The following ZMAT4 variants were observed in gnomAD, a reference collection of about 807,000 sequenced individuals.
ZMAT4 encodes the protein zinc finger matrin-type 4.
In ZMAT4, 17 loss-of-function variants were observed where a neutral mutation model predicts 28.7. The observed-to-expected ratio is 0.59, with a 90% CI of 0.41 to 0.89. The LOEUF is 0.89. Ranked by LOEUF, ZMAT4 falls within the 40% of genes least tolerant of loss-of-function variation. The pLI is 0.00. For missense variants in ZMAT4, 240 were observed against 283.8 expected (o/e 0.85, Z 1.11); for synonymous variants, 117 against 109.2 (o/e 1.07, Z -0.44).
chr8:40,779,949 G>A (rs1813763044), intron 2 of ZMAT4, among the ~76,000 whole-genome samples: 1 of 152,080 alleles, frequency 6.6e-6, no homozygotes, highest in African/African-American at 2.4e-5. Flanking sequence ...CTTTTGGCAG[G>A]GGCACTGCTC....
intron 4 of ZMAT4, among the ~76,000 whole-genome samples, chr8:40,681,915 G>C (rs577341857): frequency 6.6e-6 from 1 of 152,018 alleles, no homozygotes; most frequent in South Asian, 2.1e-4. Context: ...AAAGTATTTA[G>C]AGACCTGGGG....
At chr8:40,697,445 C>A in intron 3 of ZMAT4, 44 bp from the exon 4 acceptor site, 2 of 1,446,846 alleles carry the variant, frequency 1.4e-6, no homozygotes, top group Non-Finnish European at 1.8e-6. Context: ...GAAACCCATT[C>A]CATTCTTTTA....
chr8:40,846,200 T>G (rs1279276818), intron 1 of ZMAT4, among the ~76,000 whole-genome samples: 1 of 152,116 alleles, frequency 6.6e-6, no homozygotes, highest in Non-Finnish European at 1.5e-5. Context: ...TAAATAAATA[T>G]ACTTGGCGGT....
At chr8:40,876,029 T>C (rs1291708438) in intron 1 of ZMAT4, among the ~76,000 whole-genome samples, 1 of 152,196 alleles carries the variant, frequency 6.6e-6, no homozygotes, top group Non-Finnish European at 1.5e-5. Context: ...GGCTTAGCTA[T>C]AGTAAAGGGA....
At chr8:40,543,931 A>G (rs542694323) in intron 6 of ZMAT4, among the ~76,000 whole-genome samples, 1 of 152,296 alleles carries the variant, frequency 6.6e-6, no homozygotes, top group East Asian at 1.9e-4. Flanking sequence ...AATTTAATAT[A>G]TTGAAGCTAC....
chr8:40,543,457 A>G (rs1036372248), intron 6 of ZMAT4, among the ~76,000 whole-genome samples: 8 of 152,188 alleles, frequency 5.3e-5, no homozygotes, highest in African/African-American at 1.9e-4. Flanking sequence ...ATCTTAGTCA[A>G]AATCCACCCT....
chr8:40,541,756 G>A (rs1240235262), intron 6 of ZMAT4, among the ~76,000 whole-genome samples: 2 of 152,134 alleles, frequency 1.3e-5, no homozygotes, highest in East Asian at 1.9e-4. Context: ...AGAGAGAAAC[G>A]AGCCACTGCT....
chr8:40,784,607 C>T (rs985622373), intron 2 of ZMAT4, among the ~76,000 whole-genome samples: 13 of 152,142 alleles, frequency 8.5e-5, no homozygotes, highest in Admixed American at 4.6e-4. Flanking sequence ...AGAGCTAAAA[C>T]GTATTGTTTG....
chr8:40,825,293 A>C (rs1815990746), intron 2 of ZMAT4, among the ~76,000 whole-genome samples: 1 of 152,142 alleles, frequency 6.6e-6, no homozygotes, highest in Non-Finnish European at 1.5e-5. Context: ...TGACAGATTT[A>C]ACAAGTAGAG....
intron 3 of ZMAT4, among the ~76,000 whole-genome samples, chr8:40,746,298 C>CCTT (rs1200848960): frequency 1.6e-3 from 34 of 21,542 alleles, no homozygotes; most frequent in Middle Eastern, 0.033. Context: ...TTCTTTCTTT[C>CCTT]TCCCTTCCTT....
chr8:40,773,174 T>C (rs1208420031), intron 2 of ZMAT4, among the ~76,000 whole-genome samples: 24 of 152,172 alleles, frequency 1.6e-4, no homozygotes, highest in Admixed American at 1.4e-3. Context: ...GGAAGAACAT[T>C]GGGCACAGAA....
chr8:40,715,267 G>A (rs1439956645), intron 3 of ZMAT4, among the ~76,000 whole-genome samples: 3 of 152,002 alleles, frequency 2.0e-5, no homozygotes, highest in Non-Finnish European at 2.9e-5. Flanking sequence ...AGTAAGAGGC[G>A]ATGAGCTCAG....
At chr8:40,869,693 G>C (rs1817786699) in intron 1 of ZMAT4, among the ~76,000 whole-genome samples, 1 of 152,202 alleles carries the variant, frequency 6.6e-6, no homozygotes, top group South Asian at 2.1e-4. Context: ...AGTGAATCAT[G>C]TGCATACAAT....
intron 6 of ZMAT4, among the ~76,000 whole-genome samples, chr8:40,569,696 C>T (rs1325424944): frequency 6.6e-6 from 1 of 152,152 alleles, no homozygotes. Flanking sequence ...ATCCCTTCTG[C>T]CCCAAGTCAT....
At chr8:40,621,428 T>C (rs968554582) in intron 5 of ZMAT4, among the ~76,000 whole-genome samples, 1 of 152,178 alleles carries the variant, frequency 6.6e-6, no homozygotes, top group Non-Finnish European at 1.5e-5. Flanking sequence ...CTGGTGCTAA[T>C]GAGCCCAAAA....
intron 2 of ZMAT4, among the ~76,000 whole-genome samples, chr8:40,820,943 A>G (rs528624343): frequency 2.2e-4 from 29 of 133,744 alleles, no homozygotes; most frequent in African/African-American, 7.3e-4. Context: ...AGTGGGGGGC[A>G]TATATGTGTG....
At position 40,788,502 on chromosome 8, in the gene ZMAT4, G is replaced by A. The variant is rs557886254; in HGVS notation, c.103-20772C>T. On this transcript the variant is annotated intron_variant, in intron 2 of 6. Transcript: ENST00000297737. Reference sequence around the variant, plus strand: ...CGGGAGGCTGAGGCAGAAGAATGGCGTGAACCCAGTAGGCAGAGCTTGCAG... The same window carrying A: ...CGGGAGGCTGAGGCAGAAGAATGGCATGAACCCAGTAGGCAGAGCTTGCAG... Among the ~76,000 whole-genome samples, 315 of 152,162 alleles carry A rather than the reference G, an allele frequency of 2.1e-3. 2 individuals carry two copies. Among genetic ancestry groups the A allele is most frequent in the African/African-American group, 7.3e-3 (304 of 41,498 alleles).
intron 2 of ZMAT4, among the ~76,000 whole-genome samples, chr8:40,797,228 T>C (rs1266117249): frequency 2.0e-5 from 3 of 152,134 alleles, no homozygotes; most frequent in Non-Finnish European, 4.4e-5. Flanking sequence ...CACTAGCCAC[T>C]AACACCAAAA....
chr8:40,811,155 T>C (rs1255473306), intron 2 of ZMAT4, among the ~76,000 whole-genome samples: 1 of 152,102 alleles, frequency 6.6e-6, no homozygotes, highest in African/African-American at 2.4e-5. Context: ...ATGAAAGGGT[T>C]GAATGTACTA....
Sources: gnomAD v4.1 joint callset for allele counts (sites outside exome capture counted in the v4.1 genomes callset) on GRCh38, gnomAD v4.1.1 for gene constraint, MANE v1.5 for transcripts, NCBI Gene and HGNC (gene_info 2026-07-23, HGNC 2026-07-21) for gene names.